Variants in CPVL observed in about 807,000 individuals in gnomAD.
CPVL encodes the protein carboxypeptidase vitellogenic like.
In CPVL, 51 loss-of-function variants were observed where a neutral mutation model predicts 63.7. The ratio of observed to expected loss-of-function variants is 0.80; its 90% CI spans 0.64 to 1.01. The LOEUF is 1.01. Ranked by LOEUF, CPVL falls within the 50% of genes least tolerant of loss-of-function variation. CPVL has a pLI of 0.00. For synonymous variants in CPVL, 195 were observed against 206.0 expected (o/e 0.95, Z 0.46); for missense variants, 530 against 573.1 (o/e 0.92, Z 0.77).
intron 11 of CPVL, among the ~76,000 whole-genome samples, chr7:29,043,994 CATGATGATGATG>C (rs369477733): frequency 6.6e-6 from 1 of 151,922 alleles, no homozygotes; most frequent in Non-Finnish European, 1.5e-5. Context: ...AGACTCAAAT[CATGATGATGATG>C]ATGATGATGA....
chr7:29,125,629 G>T (rs1175398419), intron 1 of CPVL, among the ~76,000 whole-genome samples: 1 of 151,928 alleles, frequency 6.6e-6, no homozygotes, highest in African/African-American at 2.4e-5. Flanking sequence ...CTGATCTCAG[G>T]TGATCCACCC....
intron 12 of CPVL, chr7:28,996,119 T>C (rs1352348214): frequency 4.8e-6 from 2 of 418,254 alleles, no homozygotes; most frequent in Non-Finnish European, 8.4e-6. Flanking sequence ...TATTCTTTTC[T>C]CATGAGTGTA....
intron 12 of CPVL, among the ~76,000 whole-genome samples, chr7:29,016,277 G>A (rs1786402856): frequency 6.6e-6 from 1 of 151,882 alleles, no homozygotes; most frequent in African/African-American, 2.4e-5. Context: ...CTTGAACCCA[G>A]GAGGTGGAGG....
At chr7:29,153,902 T>C (rs1483809771) in intron 5 of CPVL, among the ~76,000 whole-genome samples, 1 of 152,096 alleles carries the variant, frequency 6.6e-6, no homozygotes. Context: ...CATTTTCTTT[T>C]CTCTAGCTTA....
intron 5 of CPVL, among the ~76,000 whole-genome samples, chr7:29,164,415 G>T (rs1169207243): frequency 6.6e-6 from 1 of 152,004 alleles, no homozygotes; most frequent in Non-Finnish European, 1.5e-5. Flanking sequence ...ATATTTTGCA[G>T]ATAATTTTGC....
intron 9 of CPVL, 48 bp downstream of exon 9, chr7:29,071,725 C>CCCCCCCA: frequency 2.1e-6 from 3 of 1,444,884 alleles, no homozygotes; most frequent in Non-Finnish European, 1.9e-6. Context: ...CCTCCCTCCC[C>CCCCCCCA]AGATGGTTTT....
At chr7:29,062,848 T>C (rs574677595) in intron 11 of CPVL, among the ~76,000 whole-genome samples, 1 of 152,304 alleles carries the variant, frequency 6.6e-6, no homozygotes, top group South Asian at 2.1e-4. Context: ...TTCTAATTCA[T>C]ACAAAAATCC....
chr7:29,174,036 G>A (rs536038399), intron 5 of CPVL, among the ~76,000 whole-genome samples: 34 of 152,102 alleles, frequency 2.2e-4, no homozygotes, highest in Non-Finnish European at 3.8e-4. Flanking sequence ...AGACACAAGC[G>A]GAGTTCACAC....
chr7:29,171,578 G>A (rs191783730), intron 5 of CPVL, among the ~76,000 whole-genome samples: 112 of 152,238 alleles, frequency 7.4e-4, no homozygotes, highest in African/African-American at 2.3e-3. Flanking sequence ...GACTTTTAAC[G>A]TGGACCGGAA....
At chr7:29,153,116 TTATC>T (rs2128695562) in intron 5 of CPVL, among the ~76,000 whole-genome samples, 1 of 152,310 alleles carries the variant, frequency 6.6e-6, no homozygotes, top group African/African-American at 2.4e-5. Context: ...CTCAAATTGA[TTATC>T]TAGGTTGCTA....
intron 6 of CPVL, among the ~76,000 whole-genome samples, chr7:29,092,191 T>C (rs1448554251): frequency 6.6e-6 from 1 of 151,814 alleles, no homozygotes; most frequent in Non-Finnish European, 1.5e-5. Context: ...TTTTTTTTTT[T>C]TTTTTAAGCA....
At chr7:29,053,612 A>G (rs1790416389) in intron 11 of CPVL, among the ~76,000 whole-genome samples, 2 of 152,112 alleles carry the variant, frequency 1.3e-5, no homozygotes, top group Admixed American at 1.3e-4. Context: ...TGAATAGGGG[A>G]TTTTTTCTTT....
At chr7:29,018,810 A>G (rs919756346) in intron 12 of CPVL, among the ~76,000 whole-genome samples, 9 of 152,198 alleles carry the variant, frequency 5.9e-5, no homozygotes, top group Non-Finnish European at 8.8e-5. Flanking sequence ...TATTTGGAGA[A>G]AGGCACAGAA....
chr7:28,999,355 C>CT (rs1321540566), intron 12 of CPVL, among the ~76,000 whole-genome samples: 2 of 152,356 alleles, frequency 1.3e-5, no homozygotes, highest in Admixed American at 6.5e-5. Context: ...ATTTGCATAT[C>CT]TAACAATTCC....
intron 1 of CPVL, among the ~76,000 whole-genome samples, chr7:29,129,366 A>G (rs1290715717): frequency 1.3e-5 from 2 of 152,208 alleles, no homozygotes; most frequent in African/African-American, 4.8e-5. Flanking sequence ...TGAGCTGAAG[A>G]TATTTTGAAG....
chr7:29,069,334 G>T (rs1274920133), intron 9 of CPVL, among the ~76,000 whole-genome samples: 1 of 151,418 alleles, frequency 6.6e-6, no homozygotes, highest in African/African-American at 2.4e-5. Context: ...CCAGCTACTC[G>T]GGAGGCTGAG....
chr7:29,129,796 T>C (rs1166427301), intron 1 of CPVL, among the ~76,000 whole-genome samples: 1 of 152,162 alleles, frequency 6.6e-6, no homozygotes, highest in Non-Finnish European at 1.5e-5. Context: ...AACCTAATAA[T>C]TAGCTACAAT....
At chr7:29,049,153 G>A (rs1789912651) in intron 11 of CPVL, among the ~76,000 whole-genome samples, 1 of 151,628 alleles carries the variant, frequency 6.6e-6, no homozygotes. Context: ...CCCAGCAGAA[G>A]AAAGGCAATA....
intron 11 of CPVL, among the ~76,000 whole-genome samples, chr7:29,035,639 C>T (rs1024603076): frequency 3.9e-5 from 6 of 152,118 alleles, no homozygotes; most frequent in South Asian, 2.1e-4. Flanking sequence ...CTCCCGAGTG[C>T]GTGCTACATC....
Sources: gnomAD v4.1 joint callset for allele counts (sites outside exome capture counted in the v4.1 genomes callset) on GRCh38, gnomAD v4.1.1 for gene constraint, MANE v1.5 for transcripts, NCBI Gene and HGNC (gene_info 2026-07-23, HGNC 2026-07-21) for gene names.